The following DENND4A variants were observed in gnomAD, a reference collection of about 807,000 sequenced individuals.
The protein encoded by DENND4A is C-myc promoter-binding protein.
DENND4A carries 70 observed loss-of-function variants against 199.3 expected under a neutral mutation model. The observed-to-expected ratio is 0.35, with a 90% CI of 0.29 to 0.43. The LOEUF (loss-of-function observed/expected upper bound fraction) is 0.43. DENND4A is among the 20% of genes least tolerant of loss of function. DENND4A has a pLI of 1.00. For missense variants in DENND4A, 1,723 were observed against 2,255.8 expected (o/e 0.76, Z 4.78); for synonymous variants, 686 against 766.9 (o/e 0.89, Z 1.74).
At chr15:65,668,177 C>A in intron 27 of DENND4A, 54 bp from the exon 28 acceptor site, 79 of 1,122,290 alleles carry the variant, frequency 7.0e-5, no homozygotes, top group Non-Finnish European at 8.8e-5. Flanking sequence ...TACTTTACTT[C>A]ATCAACAAGG....
At chr15:65,748,370 T>G (rs2076468540) in intron 4 of DENND4A, among the ~76,000 whole-genome samples, 1 of 151,840 alleles carries the variant, frequency 6.6e-6, no homozygotes, top group Non-Finnish European at 1.5e-5. Context: ...GCAATCCTAG[T>G]GCTTTGGGAG....
intron 22 of DENND4A, among the ~76,000 whole-genome samples, chr15:65,696,083 C>T (rs2077135854): frequency 6.6e-6 from 1 of 152,096 alleles, no homozygotes; most frequent in South Asian, 2.1e-4. Flanking sequence ...AGACTCATCA[C>T]CTCTCCTGAT....
intron 1 of DENND4A, among the ~76,000 whole-genome samples, chr15:65,780,782 C>T (rs2077416059): frequency 6.6e-6 from 1 of 152,154 alleles, no homozygotes; most frequent in Non-Finnish European, 1.5e-5. Flanking sequence ...ATCAATAACC[C>T]CATTTACAGG....
chr15:65,777,323 G>A (rs958361424), intron 1 of DENND4A, among the ~76,000 whole-genome samples: 3 of 151,812 alleles, frequency 2.0e-5, no homozygotes, highest in African/African-American at 7.3e-5. Context: ...TCCCTTTTTG[G>A]GTAAGCCAGC....
intron 9 of DENND4A, among the ~76,000 whole-genome samples, chr15:65,730,033 A>G (rs1049034533): frequency 6.6e-6 from 1 of 152,214 alleles, no homozygotes; most frequent in East Asian, 1.9e-4. Context: ...TTTGATTGAA[A>G]GCAAATCCTT....
At position 65,700,709 on chromosome 15, in the gene DENND4A, C is replaced by T. The variant is rs756873158; in HGVS notation, c.2702-34G>A. The T allele has an allele frequency of 9.3e-6, 14 of 1,502,570 alleles. No homozygotes were observed. The highest frequency in any genetic ancestry group is 8.5e-5 in the African/African-American group (6 of 70,554). The allele number at this position is 1,502,570 out of a possible 1,614,324, so 93.1% of individuals were successfully genotyped here. On this transcript the variant is annotated intron_variant, in intron 19 of 32. Coordinates refer to ENST00000443035, the MANE Select transcript of DENND4A (RefSeq NM_001320835.1). ...CACAATTTGACAGCATTTTACTACT[C>T]GAAGAGGTAAATACACATTAATTTG... is the stretch of plus-strand genomic sequence containing the variant.
At chr15:65,783,543 C>G (rs2077489090) in intron 1 of DENND4A, among the ~76,000 whole-genome samples, 1 of 152,042 alleles carries the variant, frequency 6.6e-6, no homozygotes, top group Non-Finnish European at 1.5e-5. Flanking sequence ...ACTGAGTAAC[C>G]AGATCTTGGT....
chr15:65,775,210 A>C (rs1249422141), intron 1 of DENND4A, among the ~76,000 whole-genome samples: 1 of 151,870 alleles, frequency 6.6e-6, no homozygotes, highest in Admixed American at 6.6e-5. Flanking sequence ...GCTGGGCATG[A>C]TTGCTCATGC....
At position 65,729,216 on chromosome 15, in the gene DENND4A, T is replaced by G; in HGVS notation, c.1343A>C (p.Tyr448Ser). ...TAAAGCCAGTGGGCAGAGAGGAACATACGGGCATGGCCAGTGGAAAGGGAA... is the reference window on the plus strand; with the variant it reads ...TAAAGCCAGTGGGCAGAGAGGAACAGACGGGCATGGCCAGTGGAAAGGGAA... ...MIFPFHWPCP[Y>S]VPLCPLALAD... is the part of the protein sequence containing the mutation. The change falls in exon 11 of 33, where the codon TAT becomes TCT. Residue 448 changes from tyrosine (Y) to serine (S), a missense_variant. This residue lies in a region of DENND4A where 725 missense variants were observed against 952.9 expected (regional missense o/e 0.76). Transcript: ENST00000443035. 1 of 1,584,832 alleles carries G rather than the reference T, an allele frequency of 6.3e-7. No homozygotes were observed. The highest frequency in any genetic ancestry group is 8.6e-7 in the Non-Finnish European group (1 of 1,164,636).
At chr15:65,735,040 G>C (rs1180720799) in intron 7 of DENND4A, among the ~76,000 whole-genome samples, 4 of 152,110 alleles carry the variant, frequency 2.6e-5, no homozygotes, top group Non-Finnish European at 5.9e-5. Flanking sequence ...CCATGATCAT[G>C]CCACTGCACT....
At chr15:65,681,419 G>A (rs1282044039) in intron 23 of DENND4A, 1 of 151,788 alleles carries the variant, frequency 6.6e-6, no homozygotes, top group African/African-American at 2.4e-5. Flanking sequence ...ACCTATTATG[G>A]CTATAACTTT....
At chr15:65,771,333 T>C in intron 1 of DENND4A, 1 of 1,588,482 alleles carries the variant, frequency 6.3e-7, no homozygotes. Flanking sequence ...TTTCGAATAT[T>C]AGTCACATAA....
rs376112175 is a variant in DENND4A at position 65,737,879 on chromosome 15, G to A, written c.868C>T (p.Leu290Phe). 3 of 1,604,936 alleles carry A rather than the reference G, an allele frequency of 1.9e-6. No individual in the cohort carries two copies. The highest frequency in any genetic ancestry group is 2.6e-6 in the Non-Finnish European group (3 of 1,175,334). The change falls in exon 7 of 33, where the codon CTT becomes TTT. Residue 290 changes from leucine (L) to phenylalanine (F), a missense_variant. By Grantham distance (22) the Leu-to-Phe change is conservative (BLOSUM62 0). Coordinates refer to ENST00000443035, the MANE Select transcript of DENND4A (RefSeq NM_001320835.1). ...SEENLTEKQR[L>F]LLGLTSADGK... ...TCTGCTGATGTTAAACCCAAAAGAA[G>A]TCTCTGCTTTTCTGTGAGATTCTCC...
chr15:65,673,902 A>G (rs1221114477), intron 24 of DENND4A, among the ~76,000 whole-genome samples: 4 of 152,314 alleles, frequency 2.6e-5, no homozygotes, highest in African/African-American at 9.6e-5. Context: ...ACTAATCTAC[A>G]GTATAGAATA....
chr15:65,760,812 G>A (rs1224949746), intron 2 of DENND4A, among the ~76,000 whole-genome samples: 4 of 151,320 alleles, frequency 2.6e-5, no homozygotes, highest in African/African-American at 9.7e-5. Flanking sequence ...TCACCTGAAC[G>A]CTGTAGGCAG....
At chr15:65,714,162 A>C (rs577768031) in intron 14 of DENND4A, among the ~76,000 whole-genome samples, 30 of 152,144 alleles carry the variant, frequency 2.0e-4, no homozygotes, top group Non-Finnish European at 3.8e-4. Context: ...CTGTAATCCC[A>C]GCACTTTGGG....
chr15:65,679,258 C>A (rs181952274), intron 23 of DENND4A, among the ~76,000 whole-genome samples: 1 of 151,822 alleles, frequency 6.6e-6, no homozygotes, highest in Non-Finnish European at 1.5e-5. Flanking sequence ...CATGCCACCA[C>A]GCCCAGCTAA....
chr15:65,737,780 C>T lies in DENND4A; in HGVS notation c.967G>A (p.Asp323Asn). 3 of 1,593,832 alleles carry T rather than the reference C, an allele frequency of 1.9e-6. No individual in the cohort carries two copies. The highest frequency in any genetic ancestry group is 2.6e-6 in the Non-Finnish European group (3 of 1,169,674). ...ICLLSHWPFF[D>N]AFRKFLTFLY... ...AAAGTCAGAAACTTCCTGAATGCAT[C>T]AAAAAAAGGCCAGTGAGAAAGAAGA... is the stretch of plus-strand genomic sequence containing the variant. Residue 323 changes from aspartate (D) to asparagine (N), a missense_variant, in exon 7 of 33, where the codon GAT becomes AAT. This residue lies in a region of DENND4A where 725 missense variants were observed against 952.9 expected (regional missense o/e 0.76). Coordinates refer to ENST00000443035, the MANE Select transcript of DENND4A (RefSeq NM_001320835.1).
At chr15:65,746,387 T>C (rs1163113202) in intron 4 of DENND4A, among the ~76,000 whole-genome samples, 5 of 123,146 alleles carry the variant, frequency 4.1e-5, no homozygotes, top group African/African-American at 1.2e-4. Context: ...TTTTTTTTTT[T>C]TTTTTTTTTT....
Sources: gnomAD v4.1 joint callset for allele counts (sites outside exome capture counted in the v4.1 genomes callset) on GRCh38, gnomAD v4.1.1 for gene constraint, gnomAD v4.1.1 regional missense constraint, MANE v1.5 for transcripts, NCBI Gene and HGNC (gene_info 2026-07-23, HGNC 2026-07-21) for gene names.